The following SLC5A4 variants were observed in gnomAD, a reference collection of about 807,000 sequenced individuals.
SLC5A4 encodes solute carrier family 5 member 4.
Under a neutral mutation model 70.3 loss-of-function variants are expected in SLC5A4, and 55 were observed. The observed-to-expected ratio is 0.78, with a 90% CI of 0.63 to 0.98. The LOEUF (loss-of-function observed/expected upper bound fraction) is 0.98, where lower values mean the gene tolerates loss of function less well. Ranked by LOEUF, SLC5A4 falls within the 50% of genes least tolerant of loss-of-function variation. The probability of loss-of-function intolerance (pLI) is 0.00; values close to 1 mark genes in which losing one functional copy is unlikely to be tolerated. For missense variants in SLC5A4, 735 were observed against 839.2 expected (o/e 0.88, Z 1.53); for synonymous variants, 268 against 305.7 (o/e 0.88, Z 1.29).
At position 32,248,744 on chromosome 22, in the gene SLC5A4, C is replaced by A. The variant is rs866882103; in HGVS notation, c.371G>T (p.Gly124Val). ...WIFVPIYIKS[G>V]VMTMPEYLKK... ...GGCATTTTGGTAACAGATACTCACC[C>A]CCGACTTGATGTAGATAGGGACAAA... is the stretch of plus-strand genomic sequence containing the variant. Residue 124 changes from glycine to valine, a missense_variant and splice_region_variant, in exon 4 of 15, where the codon GGG becomes GTG. Physicochemically the swap from Gly to Val is moderately radical, Grantham distance 109 (BLOSUM62 -3). Transcript: ENST00000266086. 5 of 1,609,744 alleles carry A rather than the reference C, an allele frequency of 3.1e-6. No individual in the cohort carries two copies. In the African/African-American group the frequency reaches 6.7e-5, roughly 22 times the overall value.
chr22:32,229,064 C>T, intron 11 of SLC5A4, 130 bp downstream of exon 11: 1 of 785,180 alleles, frequency 1.3e-6, no homozygotes, highest in Non-Finnish European at 2.0e-6. Flanking sequence ...ATTTGATGTA[C>T]TCCAATGTCT....
chr22:32,331,502 C>T, the SLC5A4 span, among the ~76,000 whole-genome samples: 2 of 152,216 alleles, frequency 1.3e-5, no homozygotes, highest in South Asian at 2.1e-4. Flanking sequence ...TATAGGGCGC[C>T]GCATAATCTA....
At chr22:32,241,812 T>G (rs1164747702) in intron 5 of SLC5A4, among the ~76,000 whole-genome samples, 1 of 150,208 alleles carries the variant, frequency 6.7e-6, no homozygotes, top group Non-Finnish European at 1.5e-5. Context: ...TGTATATATA[T>G]CTGTATGTGT....
At chr22:32,252,938 C>T (rs1927257274) in intron 2 of SLC5A4, among the ~76,000 whole-genome samples, 1 of 152,116 alleles carries the variant, frequency 6.6e-6, no homozygotes, top group Non-Finnish European at 1.5e-5. Context: ...TTTTTAAGGC[C>T]TCTGTAAAAT....
At chr22:32,236,820 T>A (rs1033143436) in intron 7 of SLC5A4, among the ~76,000 whole-genome samples, 7 of 151,710 alleles carry the variant, frequency 4.6e-5, no homozygotes, top group African/African-American at 1.7e-4. Flanking sequence ...TTCTCCTGCC[T>A]CAGCCTCTTG....
At chr22:32,253,256 G>A (rs1167017867) in intron 2 of SLC5A4, among the ~76,000 whole-genome samples, 4 of 152,172 alleles carry the variant, frequency 2.6e-5, no homozygotes, top group Non-Finnish European at 2.9e-5. Context: ...GTGCAGAGGG[G>A]AAGATACAGC....
the SLC5A4 span, among the ~76,000 whole-genome samples, chr22:32,276,332 C>T: frequency 2.6e-5 from 4 of 152,094 alleles, no homozygotes; most frequent in African/African-American, 9.7e-5. Context: ...GAGAACATAA[C>T]GAAAACTTAC....
the SLC5A4 span, among the ~76,000 whole-genome samples, chr22:32,318,304 G>A: frequency 6.6e-6 from 1 of 151,624 alleles, no homozygotes; most frequent in Admixed American, 6.6e-5. Context: ...TGACTTTTGA[G>A]CCTCAAACTC....
chr22:32,341,620 G>A, the SLC5A4 span, among the ~76,000 whole-genome samples: 5 of 152,166 alleles, frequency 3.3e-5, no homozygotes, highest in South Asian at 2.1e-4. Context: ...CGGACGTGAC[G>A]CCGGAGAGCA....
intron 5 of SLC5A4, among the ~76,000 whole-genome samples, chr22:32,241,026 A>T (rs1173999409): frequency 6.6e-6 from 1 of 152,070 alleles, no homozygotes; most frequent in Non-Finnish European, 1.5e-5. Flanking sequence ...ACAAAATTAG[A>T]TGACAGGGTA....
the SLC5A4 span, among the ~76,000 whole-genome samples, chr22:32,339,245 C>G: frequency 6.6e-6 from 1 of 152,154 alleles, no homozygotes; most frequent in Non-Finnish European, 1.5e-5. Context: ...ATTTTTTACT[C>G]TTCAAATAAT....
the SLC5A4 span, among the ~76,000 whole-genome samples, chr22:32,341,722 C>T: frequency 6.6e-6 from 1 of 152,226 alleles, no homozygotes; most frequent in African/African-American, 2.4e-5. Context: ...TCTGCCCCTG[C>T]CAACCTCTTC....
intron 5 of SLC5A4, among the ~76,000 whole-genome samples, chr22:32,241,809 A>G (rs1182904269): frequency 6.7e-6 from 1 of 149,716 alleles, no homozygotes. Flanking sequence ...GTGTGTATAT[A>G]TATCTGTATG....
chr22:32,261,484 G>C, the SLC5A4 span, among the ~76,000 whole-genome samples: 1 of 152,212 alleles, frequency 6.6e-6, no homozygotes, highest in Non-Finnish European at 1.5e-5. Context: ...GAGAGCTGGA[G>C]CTTTCAGGCT....
the SLC5A4 span, among the ~76,000 whole-genome samples, chr22:32,354,236 A>C: frequency 1.0e-5 from 1 of 96,914 alleles, no homozygotes; most frequent in African/African-American, 4.1e-5. Flanking sequence ...TAGCACTCCC[A>C]ATAAATCCTG....
At chr22:32,252,442 T>C (rs1039475777) in intron 2 of SLC5A4, among the ~76,000 whole-genome samples, 9 of 152,246 alleles carry the variant, frequency 5.9e-5, no homozygotes, top group Admixed American at 4.6e-4. Flanking sequence ...AAATGTGAAA[T>C]TGTAAACTTG....
the SLC5A4 span, among the ~76,000 whole-genome samples, chr22:32,265,348 A>C: frequency 6.6e-6 from 1 of 152,172 alleles, no homozygotes; most frequent in Non-Finnish European, 1.5e-5. Context: ...TAATTGTACC[A>C]TTGCACTCCA....
chr22:32,308,360 C>T, the SLC5A4 span, among the ~76,000 whole-genome samples: 48 of 152,346 alleles, frequency 3.2e-4, no homozygotes, highest in Non-Finnish European at 1.0e-4. Flanking sequence ...AAGGCAGCCA[C>T]GCCAGTGGAG....
chr22:32,248,891 TA>T (rs561525329), intron 3 of SLC5A4, 89 bp from the exon 4 acceptor site: 8,093 of 720,892 alleles, frequency 0.011, no homozygotes, highest in South Asian at 0.019. Flanking sequence ...GTCTGGAAAT[TA>T]AAAAAAAAAG....
Sources: allele counts gnomAD v4.1 joint callset (sites outside exome capture counted in the v4.1 genomes callset), GRCh38; gene constraint gnomAD v4.1.1; transcripts MANE v1.5; gene names NCBI Gene and HGNC (gene_info 2026-07-23, HGNC 2026-07-21).